Variants in DHRSX observed in about 807,000 individuals in gnomAD.
DHRSX encodes the protein polyprenol dehydrogenase.
In DHRSX, 31 loss-of-function variants were observed where a neutral mutation model predicts 34.0. The ratio of observed to expected loss-of-function variants is 0.91; its 90% CI spans 0.69 to 1.23. The LOEUF is 1.23. Ranked by LOEUF, DHRSX falls within the 50% of genes most tolerant of loss-of-function variation. DHRSX has a pLI of 0.00. For missense variants in DHRSX, 414 were observed against 428.1 expected (o/e 0.97, Z 0.29); for synonymous variants, 201 against 183.8 (o/e 1.09, Z -0.76).
intron 3 of DHRSX, among the ~76,000 whole-genome samples, chrX:2,305,068 G>A (rs912990439): frequency 2.6e-5 from 4 of 152,002 alleles, no homozygotes; most frequent in African/African-American, 9.7e-5. Flanking sequence ...CATGGATGGA[G>A]CTAGAAGCCA....
intron 5 of DHRSX, among the ~76,000 whole-genome samples, chrX:2,250,968 G>A (rs2016422405): frequency 2.0e-5 from 3 of 152,090 alleles, no homozygotes; most frequent in Admixed American, 6.6e-5. Context: ...GCTCGTACCC[G>A]GGAAATCGCA....
intron 3 of DHRSX, among the ~76,000 whole-genome samples, chrX:2,294,068 G>C (rs1430485612): frequency 1.3e-5 from 2 of 151,538 alleles, no homozygotes; most frequent in African/African-American, 4.9e-5. Flanking sequence ...CAGAGAGAGA[G>C]AGAAAGAGAG....
rs955722984 is a variant in DHRSX, at chrX:2,375,358, T to C, written c.286+33387A>G. 8.0e-5 allele frequency among the ~76,000 whole-genome samples: 11 copies of C among 138,210 alleles called. 2 individuals carry two copies. The highest frequency in any genetic ancestry group is 2.3e-4 in the South Asian group (1 of 4,364). The allele number at this position is 138,210 out of a possible 152,430, so 90.7% of individuals were successfully genotyped here. A position where few individuals can be genotyped will look rare whatever the true frequency, so the allele number is the denominator to read the frequency against. The stretch of plus-strand genomic sequence containing the variant: ...GCGGCTGTGAAATGCGGTTCGTTCT[T>C]GGATATCATGGGCAGCATTGAAAAC... On this transcript the variant is annotated intron_variant, in intron 3 of 6. Transcript: ENST00000334651.
intron 4 of DHRSX, among the ~76,000 whole-genome samples, chrX:2,272,766 T>G (rs1186738213): frequency 6.6e-6 from 1 of 152,064 alleles, no homozygotes; most frequent in Non-Finnish European, 1.5e-5. Context: ...TGGTCAAGCC[T>G]TCAGATAAAG....
intron 3 of DHRSX, among the ~76,000 whole-genome samples, chrX:2,362,490 G>A (rs775382594): frequency 2.0e-4 from 30 of 152,252 alleles, no homozygotes; most frequent in African/African-American, 7.2e-4. Flanking sequence ...TAGTAGAGAT[G>A]GGGTTTCACC....
At chrX:2,348,695 T>A (rs962092672) in intron 3 of DHRSX, among the ~76,000 whole-genome samples, 9 of 150,290 alleles carry the variant, frequency 6.0e-5, no homozygotes, top group Admixed American at 3.3e-4. Context: ...TATTTTTATT[T>A]TTTTTTTTTT....
intron 1 of DHRSX, among the ~76,000 whole-genome samples, chrX:2,441,790 C>T (rs114421033): frequency 0.085 from 12,924 of 152,146 alleles, 1,085 homozygotes; most frequent in African/African-American, 0.22. Context: ...AAGACTCACA[C>T]GGCTGGGCAC....
intron 3 of DHRSX, among the ~76,000 whole-genome samples, chrX:2,343,430 T>C (rs2042664446): frequency 6.6e-6 from 1 of 152,192 alleles, no homozygotes; most frequent in Non-Finnish European, 1.5e-5. Context: ...AAAGGCATCA[T>C]GCCTACAGGA....
intron 3 of DHRSX, among the ~76,000 whole-genome samples, chrX:2,403,053 TTG>T (rs945813234): frequency 2.6e-5 from 4 of 152,070 alleles, no homozygotes; most frequent in Non-Finnish European, 5.9e-5. Context: ...CGGCTAATTT[TTG>T]TGTTTTTAGT....
At chrX:2,302,229 C>T (rs1415400269) in intron 3 of DHRSX, among the ~76,000 whole-genome samples, 1 of 152,150 alleles carries the variant, frequency 6.6e-6, no homozygotes, top group Non-Finnish European at 1.5e-5. Context: ...TAACAGCTTC[C>T]TCATCATGGA....
At chrX:2,397,824 T>A (rs2043431137) in intron 3 of DHRSX, among the ~76,000 whole-genome samples, 1 of 152,062 alleles carries the variant, frequency 6.6e-6, no homozygotes, top group Non-Finnish European at 1.5e-5. Flanking sequence ...ACACAATTAC[T>A]TATTAAACAT....
At chrX:2,479,454 A>C (rs1251828541) in intron 1 of DHRSX, among the ~76,000 whole-genome samples, 1 of 151,814 alleles carries the variant, frequency 6.6e-6, no homozygotes, top group Non-Finnish European at 1.5e-5. Flanking sequence ...CCCTGTGCAC[A>C]CTGAAGACAT....
chrX:2,282,320 A>G (rs1291257268), intron 4 of DHRSX, among the ~76,000 whole-genome samples: 1 of 121,490 alleles, frequency 8.2e-6, no homozygotes, highest in Non-Finnish European at 1.8e-5. Flanking sequence ...GGGAACAGGG[A>G]GAGAGAGGGA....
intron 3 of DHRSX, among the ~76,000 whole-genome samples, chrX:2,401,833 T>G (rs1210245380): frequency 6.6e-6 from 1 of 151,932 alleles, no homozygotes; most frequent in African/African-American, 2.4e-5. Flanking sequence ...TGATAAGGAG[T>G]GAAAACGCTT....
At chrX:2,260,743 G>T (rs1028413248) in intron 5 of DHRSX, among the ~76,000 whole-genome samples, 1 of 152,076 alleles carries the variant, frequency 6.6e-6, no homozygotes, top group African/African-American at 2.4e-5. Context: ...TGACAGGCAT[G>T]AGCCAGTGTG....
chrX:2,276,347 C>G (rs780734875), intron 4 of DHRSX, among the ~76,000 whole-genome samples: 1 of 152,136 alleles, frequency 6.6e-6, no homozygotes, highest in Non-Finnish European at 1.5e-5. Context: ...GGAGCATTCA[C>G]GGAATCTGTC....
chrX:2,273,463 G>A (rs896932821), intron 4 of DHRSX, among the ~76,000 whole-genome samples: 5 of 152,154 alleles, frequency 3.3e-5, no homozygotes, highest in South Asian at 2.1e-4. Context: ...GCAAATACAC[G>A]TTCTCACTTG....
chrX:2,299,448 G>A (rs2041985453), intron 3 of DHRSX, among the ~76,000 whole-genome samples: 1 of 152,116 alleles, frequency 6.6e-6, no homozygotes, highest in South Asian at 2.1e-4. Flanking sequence ...ACCCTCCAAT[G>A]CAGAAAGTGA....
intron 3 of DHRSX, among the ~76,000 whole-genome samples, chrX:2,323,102 C>T (rs1293655770): frequency 6.6e-6 from 1 of 152,000 alleles, no homozygotes; most frequent in Non-Finnish European, 1.5e-5. Context: ...TCAAGGTCAA[C>T]TGTATTTTCT....
Sources: gnomAD v4.1 joint callset for allele counts (sites outside exome capture counted in the v4.1 genomes callset) on GRCh38, gnomAD v4.1.1 for gene constraint, MANE v1.5 for transcripts, NCBI Gene and HGNC (gene_info 2026-07-23, HGNC 2026-07-21) for gene names.